ZMAT4: variants seen among roughly 807,000 people sequenced by gnomAD.
ZMAT4 encodes the protein zinc finger matrin-type protein 4.
ZMAT4 carries 17 observed loss-of-function variants against 28.7 expected under a neutral mutation model. That is an observed-to-expected ratio of 0.59 (90% CI 0.41 to 0.89). The LOEUF is 0.89. Ranked by LOEUF, ZMAT4 falls within the 40% of genes least tolerant of loss-of-function variation. The pLI, the probability that ZMAT4 is intolerant of heterozygous loss-of-function variation, is 0.00. For synonymous variants in ZMAT4, 117 were observed against 109.2 expected, an observed-to-expected ratio of 1.07 and a Z score of -0.44; for missense variants, 240 against 283.8, an observed-to-expected ratio of 0.85 and a Z score of 1.11.
intron 4 of ZMAT4, among the ~76,000 whole-genome samples, chr8:40,679,884 G>C (rs925763611): frequency 6.6e-6 from 1 of 152,036 alleles, no homozygotes; most frequent in Non-Finnish European, 1.5e-5. Context: ...ATGAATGAAC[G>C]AATAAATAAA....
intron 5 of ZMAT4, among the ~76,000 whole-genome samples, chr8:40,652,154 A>G (rs1050408772): frequency 8.6e-6 from 1 of 116,522 alleles, no homozygotes; most frequent in South Asian, 3.2e-4. Context: ...CAACCTACAA[A>G]ATGGGAGAAA....
chr8:40,660,317 A>C (rs185496639), intron 5 of ZMAT4, among the ~76,000 whole-genome samples: 2 of 152,216 alleles, frequency 1.3e-5, no homozygotes, highest in Admixed American at 1.3e-4. Flanking sequence ...GGCTTTTTCA[A>C]GATTTTAAAG....
At chr8:40,749,603 C>T (rs184637168) in intron 3 of ZMAT4, among the ~76,000 whole-genome samples, 83 of 152,158 alleles carry the variant, frequency 5.5e-4, no homozygotes, top group Admixed American at 1.1e-3. Flanking sequence ...GAACACTGTT[C>T]CACCCACTGC....
chr8:40,868,708 A>G (rs1043153847), intron 1 of ZMAT4, among the ~76,000 whole-genome samples: 1 of 152,188 alleles, frequency 6.6e-6, no homozygotes, highest in Non-Finnish European at 1.5e-5. Flanking sequence ...CCCTGTTCCT[A>G]AAGCTGACTG....
At chr8:40,688,901 G>A (rs573102831) in intron 4 of ZMAT4, among the ~76,000 whole-genome samples, 71 of 152,326 alleles carry the variant, frequency 4.7e-4, no homozygotes, top group African/African-American at 1.6e-3. Context: ...CTCTGGGAGA[G>A]GATGAGCAAA....
intron 1 of ZMAT4, among the ~76,000 whole-genome samples, chr8:40,865,386 A>G (rs1432354015): frequency 6.6e-6 from 1 of 152,236 alleles, no homozygotes; most frequent in Non-Finnish European, 1.5e-5. Flanking sequence ...TCACCACTGC[A>G]GCCTGTGCTA....
chr8:40,749,030 T>G (rs1812354175), intron 3 of ZMAT4, among the ~76,000 whole-genome samples: 1 of 152,172 alleles, frequency 6.6e-6, no homozygotes, highest in South Asian at 2.1e-4. Flanking sequence ...GGTAACCCCT[T>G]TCACTTGATT....
chr8:40,713,415 G>A (rs1028014066), intron 3 of ZMAT4, among the ~76,000 whole-genome samples: 4 of 150,138 alleles, frequency 2.7e-5, no homozygotes, highest in African/African-American at 7.4e-5. Flanking sequence ...GAAATAACAC[G>A]AAGCCAAGAT....
At chr8:40,571,946 T>A (rs768971154) in intron 6 of ZMAT4, among the ~76,000 whole-genome samples, 4 of 152,182 alleles carry the variant, frequency 2.6e-5, no homozygotes, top group Non-Finnish European at 5.9e-5. Context: ...TTGGGTTTCT[T>A]GGTTAATATC....
chr8:40,779,899 A>G (rs946915737), intron 2 of ZMAT4, among the ~76,000 whole-genome samples: 2 of 152,266 alleles, frequency 1.3e-5, no homozygotes, highest in African/African-American at 4.8e-5. Flanking sequence ...GGCAACCTGA[A>G]AACAGCAGGC....
intron 3 of ZMAT4, among the ~76,000 whole-genome samples, chr8:40,726,164 T>A (rs1299960587): frequency 2.0e-5 from 3 of 152,356 alleles, no homozygotes; most frequent in South Asian, 2.1e-4. Flanking sequence ...TAGAACAGCA[T>A]CCTTGCACAG....
At position 40,612,818 on chromosome 8, in the gene ZMAT4, T is replaced by G. The variant is rs1272013684; in HGVS notation, c.578-31557A>C. On this transcript the variant is annotated intron_variant, in intron 5 of 6. Transcript: ENST00000297737. Reference sequence around the variant, plus strand: ...CTCTGTATTTTGGTTTTTGTTTTTTTTTTTTTTTTTTGAGACGAAGTCTTG... The same window carrying G: ...CTCTGTATTTTGGTTTTTGTTTTTTGTTTTTTTTTTTGAGACGAAGTCTTG... Among the ~76,000 whole-genome samples, 41 of 134,544 alleles carry G rather than the reference T, an allele frequency of 3.0e-4. 8 individuals carry two copies. The highest frequency in any genetic ancestry group is 9.7e-4 in the Admixed American group (13 of 13,446). 88.3% of individuals were successfully genotyped at this position (134,544 alleles called of 152,430 possible).
intron 1 of ZMAT4, among the ~76,000 whole-genome samples, chr8:40,847,214 C>CAAAAAAAAAAAAAAA (rs372935416): frequency 2.0e-5 from 2 of 99,594 alleles, no homozygotes; most frequent in Non-Finnish European, 4.2e-5. Flanking sequence ...AAAAAACAAA[C>CAAAAAAAAAAAAAAA]AAACAAAAAA....
At chr8:40,852,030 G>A (rs1817127999) in intron 1 of ZMAT4, among the ~76,000 whole-genome samples, 1 of 152,078 alleles carries the variant, frequency 6.6e-6, no homozygotes, top group Non-Finnish European at 1.5e-5. Context: ...CCAAGTAGCT[G>A]GGACTACAGG....
chr8:40,776,029 G>C (rs771069991), intron 2 of ZMAT4, among the ~76,000 whole-genome samples: 2 of 152,154 alleles, frequency 1.3e-5, no homozygotes, highest in Non-Finnish European at 2.9e-5. Flanking sequence ...CTTGATCATG[G>C]ACTTCTAGCC....
intron 3 of ZMAT4, among the ~76,000 whole-genome samples, chr8:40,701,189 C>G (rs1810129148): frequency 6.6e-6 from 1 of 152,120 alleles, no homozygotes; most frequent in Non-Finnish European, 1.5e-5. Flanking sequence ...AATATATATT[C>G]CTAGATTTCT....
At chr8:40,744,756 A>G (rs990093303) in intron 3 of ZMAT4, among the ~76,000 whole-genome samples, 4 of 152,338 alleles carry the variant, frequency 2.6e-5, no homozygotes, top group South Asian at 2.1e-4. Flanking sequence ...AAAGAGTAAA[A>G]TGTTTTAGCT....
intron 1 of ZMAT4, among the ~76,000 whole-genome samples, chr8:40,891,771 G>T (rs545472242): frequency 5.0e-4 from 76 of 152,240 alleles, no homozygotes; most frequent in South Asian, 3.1e-3. Flanking sequence ...CCAGCCAGGG[G>T]CATGGAAGGG....
intron 4 of ZMAT4, among the ~76,000 whole-genome samples, chr8:40,685,755 C>T (rs1396102123): frequency 6.6e-6 from 1 of 151,972 alleles, no homozygotes; most frequent in Non-Finnish European, 1.5e-5. Flanking sequence ...CAACCTCGAC[C>T]ACAGGATAAG....
Sources: allele counts gnomAD v4.1 joint callset (sites outside exome capture counted in the v4.1 genomes callset), GRCh38; gene constraint gnomAD v4.1.1; transcripts MANE v1.5; gene names NCBI Gene and HGNC (gene_info 2026-07-23, HGNC 2026-07-21).